The following DIS3L2 variants were observed in gnomAD, a reference collection of about 807,000 sequenced individuals.
DIS3L2 encodes the protein DIS3-like exonuclease 2.
Under a neutral mutation model 97.5 loss-of-function variants are expected in DIS3L2, and 34 were observed. The observed-to-expected ratio is 0.35, with a 90% CI of 0.27 to 0.46. DIS3L2 has a LOEUF of 0.46. Ranked by LOEUF, DIS3L2 falls within the 20% of genes least tolerant of loss-of-function variation. The probability of loss-of-function intolerance (pLI) is 1.00; values close to 1 mark genes in which losing one functional copy is unlikely to be tolerated. For synonymous variants in DIS3L2, 435 were observed against 445.2 expected (o/e 0.98, Z 0.29); for missense variants, 1,038 against 1,146.0 (o/e 0.91, Z 1.36).
intron 10 of DIS3L2, among the ~76,000 whole-genome samples, chr2:232,230,896 C>T (rs1017464036): frequency 2.0e-5 from 3 of 152,132 alleles, no homozygotes; most frequent in Non-Finnish European, 4.4e-5. Context: ...TGTCCCTAGA[C>T]ACAGCAAGCT....
chr2:232,298,317 C>G (rs1694769774), intron 13 of DIS3L2, among the ~76,000 whole-genome samples: 1 of 152,080 alleles, frequency 6.6e-6, no homozygotes, highest in South Asian at 2.1e-4. Context: ...ATCACTGAGT[C>G]AAATCATATG....
rs1042450303 is a variant in DIS3L2 at position 232,031,978 on chromosome 2, A to G, written c.366+1898A>G. ...AATAAACATATGTGTGCATGTGTGCATATGTCTTTACAGTAGAATGATTTA... is the reference window on the plus strand; with the variant it reads ...AATAAACATATGTGTGCATGTGTGCGTATGTCTTTACAGTAGAATGATTTA... On this transcript the variant is annotated intron_variant, in intron 5 of 20. Coordinates refer to ENST00000325385, the MANE Select transcript of DIS3L2 (RefSeq NM_152383.5). Among the ~76,000 whole-genome samples the G allele has an allele frequency of 2.6e-4, 38 of 147,802 alleles. 1 individual carries two copies. Among genetic ancestry groups the G allele is most frequent in the African/African-American group, 9.0e-4 (37 of 41,140 alleles).
intron 9 of DIS3L2, among the ~76,000 whole-genome samples, chr2:232,174,051 T>C (rs1183478049): frequency 6.6e-6 from 1 of 152,174 alleles, no homozygotes; most frequent in African/African-American, 2.4e-5. Context: ...CACTGTTAAG[T>C]CTTCCAACCT....
At chr2:232,291,835 C>T (rs1053758667) in intron 13 of DIS3L2, among the ~76,000 whole-genome samples, 7 of 152,222 alleles carry the variant, frequency 4.6e-5, no homozygotes, top group African/African-American at 1.7e-4. Flanking sequence ...CATGAGAGGT[C>T]ATCTTGGAGG....
chr2:232,220,714 A>G (rs574686469), intron 10 of DIS3L2, among the ~76,000 whole-genome samples: 28 of 152,248 alleles, frequency 1.8e-4, no homozygotes, highest in African/African-American at 6.7e-4. Flanking sequence ...CTAAAACAAA[A>G]GAAAAGAAAT....
chr2:232,337,821 C>T (rs1227152131), downstream of DIS3L2, among the ~76,000 whole-genome samples: 23 of 151,562 alleles, frequency 1.5e-4, no homozygotes, highest in African/African-American at 2.9e-4. Context: ...TGACTGGGTA[C>T]TGCTGCCTTT....
At chr2:231,979,252 T>A (rs1162365866) in intron 1 of DIS3L2, among the ~76,000 whole-genome samples, 1 of 151,982 alleles carries the variant, frequency 6.6e-6, no homozygotes, top group Non-Finnish European at 1.5e-5. Context: ...TTTATTTTTA[T>A]TTAATTTATT....
intron 1 of DIS3L2, among the ~76,000 whole-genome samples, chr2:232,005,458 C>G (rs992048885): frequency 6.6e-6 from 1 of 152,188 alleles, no homozygotes; most frequent in Non-Finnish European, 1.5e-5. Flanking sequence ...GTCCTTTCTT[C>G]TAGCCAGGCG....
intron 5 of DIS3L2, among the ~76,000 whole-genome samples, chr2:232,077,162 C>T (rs143291407): frequency 1.3e-5 from 2 of 152,276 alleles, no homozygotes; most frequent in Non-Finnish European, 2.9e-5. Flanking sequence ...CTACCCACTG[C>T]CCCACCATGG....
chr2:232,102,344 T>C (rs1251510804), intron 6 of DIS3L2, among the ~76,000 whole-genome samples: 1 of 152,168 alleles, frequency 6.6e-6, no homozygotes, highest in Non-Finnish European at 1.5e-5. Flanking sequence ...GAACCTGGGT[T>C]GGGGAAATAA....
intron 1 of DIS3L2, among the ~76,000 whole-genome samples, chr2:231,973,889 A>C (rs929576678): frequency 6.6e-6 from 1 of 152,148 alleles, no homozygotes; most frequent in Non-Finnish European, 1.5e-5. Flanking sequence ...CTATAACAAC[A>C]ACCACAATAA....
chr2:232,209,695 A>C (rs929944294), intron 9 of DIS3L2, among the ~76,000 whole-genome samples: 1 of 152,208 alleles, frequency 6.6e-6, no homozygotes, highest in South Asian at 2.1e-4. Flanking sequence ...CAGGCATGCT[A>C]TATGGGAAAC....
intron 5 of DIS3L2, among the ~76,000 whole-genome samples, chr2:232,062,786 A>T (rs868100088): frequency 6.6e-6 from 1 of 151,732 alleles, no homozygotes; most frequent in African/African-American, 2.4e-5. Flanking sequence ...CTGCCTTCCT[A>T]TCAGCCTGCC....
At chr2:232,060,429 C>T (rs1221402196) in intron 5 of DIS3L2, among the ~76,000 whole-genome samples, 1 of 152,024 alleles carries the variant, frequency 6.6e-6, no homozygotes, top group East Asian at 1.9e-4. Flanking sequence ...AAAGATTGGG[C>T]TCTAATTTTA....
In DIS3L2 at chr2:232,292,698, T is replaced by G. The variant is rs1694633932; in HGVS notation, c.1660-7342T>G. ...CCTGCCCTCCTGTGTGACCTCAGCC[T>G]GAGCCCCTGAAAGGAGAAGGCTCTC... On this transcript the variant is annotated intron_variant, in intron 13 of 20. Coordinates refer to ENST00000325385, the MANE Select transcript of DIS3L2 (RefSeq NM_152383.5). This position sits in a 1 kb window ranked among gnomAD's most constrained non-coding sequence, Gnocchi z 4.4. 6.6e-6 allele frequency among the ~76,000 whole-genome samples: 1 copy of G among 152,208 alleles called. No homozygotes were observed. The highest frequency in any genetic ancestry group is 1.9e-4 in the East Asian group (1 of 5,186).
chr2:232,312,067 T>G (rs1044086897), intron 14 of DIS3L2, among the ~76,000 whole-genome samples: 1 of 152,260 alleles, frequency 6.6e-6, no homozygotes, highest in Non-Finnish European at 1.5e-5. Context: ...TCTTGATTTA[T>G]AGTCCTCTAT....
chr2:232,176,809 AT>A (rs1559706570), intron 9 of DIS3L2, among the ~76,000 whole-genome samples: 1 of 149,414 alleles, frequency 6.7e-6, no homozygotes, highest in African/African-American at 2.4e-5. Context: ...TATTATTATT[AT>A]TTTTTAAATT....
chr2:232,216,479 G>A (rs993505215), intron 10 of DIS3L2, among the ~76,000 whole-genome samples: 1 of 152,070 alleles, frequency 6.6e-6, no homozygotes, highest in Non-Finnish European at 1.5e-5. Context: ...TCCCTGCAAA[G>A]CCACATGGCT....
chr2:232,062,933 G>T (rs1344872404), intron 5 of DIS3L2, among the ~76,000 whole-genome samples: 2 of 151,858 alleles, frequency 1.3e-5, no homozygotes, highest in Non-Finnish European at 2.9e-5. Context: ...CATAGGGTTT[G>T]TTCTGGTTTC....
Sources: gnomAD v4.1 joint callset for allele counts (sites outside exome capture counted in the v4.1 genomes callset) on GRCh38, gnomAD v4.1.1 for gene constraint, Gnocchi (gnomAD v3.1) non-coding constraint, MANE v1.5 for transcripts, NCBI Gene and HGNC (gene_info 2026-07-23, HGNC 2026-07-21) for gene names.